The following ZMAT5 variants were observed in gnomAD, a reference collection of about 807,000 sequenced individuals.
The protein encoded by ZMAT5 is zinc finger matrin-type protein 5.
A neutral mutation model predicts 28.0 loss-of-function variants in ZMAT5; 23 were observed. The observed-to-expected ratio is 0.82, with a 90% CI of 0.59 to 1.16. The LOEUF is 1.16. Ranked by LOEUF, ZMAT5 falls within the 50% of genes most tolerant of loss-of-function variation. The probability of loss-of-function intolerance (pLI) is 0.00; values close to 1 mark genes in which losing one functional copy is unlikely to be tolerated. For missense variants in ZMAT5, 173 were observed against 212.7 expected, an observed-to-expected ratio of 0.81 and a Z score of 1.16; for synonymous variants, 76 against 84.1, an observed-to-expected ratio of 0.90 and a Z score of 0.52.
intron 1 of ZMAT5, among the ~76,000 whole-genome samples, chr22:29,758,279 C>T (rs1318268142): frequency 6.6e-6 from 1 of 152,192 alleles, no homozygotes; most frequent in African/African-American, 2.4e-5. Context: ...AGCTAAGCAG[C>T]GCCCAGATTC....
In ZMAT5 at chr22:29,742,519, G is replaced by A. The variant is rs528850982; in HGVS notation, c.128-39C>T. 4.2e-5 allele frequency: 68 copies of A among 1,604,976 alleles called. 1 individual carries two copies. The South Asian group carries it at 7.1e-4, about 17-fold the overall frequency. ...GAGGGACGGGATTCGGATGGTTCAG[G>A]CTCCACCAAAGGAGGCAGGAAGTGG... is the stretch of plus-strand genomic sequence containing the variant. On this transcript the variant is annotated intron_variant, in intron 2 of 5. Coordinates refer to ENST00000344318, the MANE Select transcript of ZMAT5 (RefSeq NM_001003692.2).
intron 1 of ZMAT5, among the ~76,000 whole-genome samples, chr22:29,765,560 A>G (rs527619890): frequency 3.6e-4 from 54 of 152,112 alleles, no homozygotes; most frequent in Non-Finnish European, 4.1e-4. Context: ...GCCCTGCTCC[A>G]CACCCTAACC....
At chr22:29,738,911 T>C (rs1303690883) in intron 4 of ZMAT5, among the ~76,000 whole-genome samples, 1 of 151,988 alleles carries the variant, frequency 6.6e-6, no homozygotes, top group South Asian at 2.1e-4. Flanking sequence ...CTTGGGAGAC[T>C]GAGGCAGGAG....
Position 29,761,766 on chromosome 22 carries a change from T to C in ZMAT5, c.-28+5106A>G, listed in dbSNP as rs905730341. 5.9e-5 allele frequency among the ~76,000 whole-genome samples: 9 copies of C among 152,278 alleles called. 1 individual carries two copies. In the East Asian group the frequency reaches 1.5e-3, roughly 26 times the overall value. ...TATTTAAAATACAAAAGTTAAAATA[T>C]AGAGTTAGTGACAAAATATATGTCA... On this transcript the variant is annotated intron_variant, in intron 1 of 5. Transcript: ENST00000344318.
chr22:29,752,116 C>T (rs2068060257), intron 1 of ZMAT5, among the ~76,000 whole-genome samples: 1 of 152,186 alleles, frequency 6.6e-6, no homozygotes, highest in Non-Finnish European at 1.5e-5. Context: ...GAGGCCCAGA[C>T]AGGTGCCATG....
intron 1 of ZMAT5, among the ~76,000 whole-genome samples, chr22:29,754,624 A>G (rs971928327): frequency 3.3e-5 from 5 of 152,154 alleles, no homozygotes; most frequent in Non-Finnish European, 5.9e-5. Context: ...TAATCCCAAC[A>G]TGTTGGGAGG....
chr22:29,762,527 G>A (rs1452148821), intron 1 of ZMAT5, among the ~76,000 whole-genome samples: 1 of 152,172 alleles, frequency 6.6e-6, no homozygotes, highest in African/African-American at 2.4e-5. Flanking sequence ...TCTCATAGGA[G>A]CACGAATCCT....
At chr22:29,754,812 C>A (rs1242511422) in intron 1 of ZMAT5, among the ~76,000 whole-genome samples, 1 of 152,176 alleles carries the variant, frequency 6.6e-6, no homozygotes, top group African/African-American at 2.4e-5. Flanking sequence ...GAGGTCAAGG[C>A]TCCAGCCAGC....
chr22:29,745,961 G>A (rs2068005411), intron 2 of ZMAT5, among the ~76,000 whole-genome samples: 1 of 152,114 alleles, frequency 6.6e-6, no homozygotes, highest in Admixed American at 6.5e-5. Flanking sequence ...CCACTGCCCT[G>A]GATTTTATTT....
intron 2 of ZMAT5, among the ~76,000 whole-genome samples, chr22:29,745,978 T>A (rs1181481625): frequency 6.6e-6 from 1 of 152,164 alleles, no homozygotes; most frequent in Non-Finnish European, 1.5e-5. Context: ...ATTTCATTTA[T>A]TTATTTTTTT....
chr22:29,757,596 C>T (rs1433871667), intron 1 of ZMAT5, among the ~76,000 whole-genome samples: 1 of 152,232 alleles, frequency 6.6e-6, no homozygotes, highest in Non-Finnish European at 1.5e-5. Context: ...AGCCTCCAAG[C>T]CCCCAGCAAT....
chr22:29,731,602 CG>C, intron 5 of ZMAT5: 1 of 464,814 alleles, frequency 2.2e-6, no homozygotes, highest in Non-Finnish European at 3.7e-6. Context: ...GAATAACCTT[CG>C]TGTCCACCTG....
At chr22:29,739,900 G>A (rs1233184253) in intron 4 of ZMAT5, among the ~76,000 whole-genome samples, 1 of 152,212 alleles carries the variant, frequency 6.6e-6, no homozygotes, top group Non-Finnish European at 1.5e-5. Context: ...AGTGAGGCCC[G>A]TAGGGGGATC....
chr22:29,736,759 T>C (rs1473381352), intron 5 of ZMAT5, among the ~76,000 whole-genome samples: 1 of 146,034 alleles, frequency 6.8e-6, no homozygotes, highest in Non-Finnish European at 1.5e-5. Flanking sequence ...GCGCGGTGGC[T>C]GACACCTGTA....
chr22:29,765,153 T>TCA (rs1237574970), intron 1 of ZMAT5, among the ~76,000 whole-genome samples: 1 of 152,028 alleles, frequency 6.6e-6, no homozygotes, highest in East Asian at 1.9e-4. Context: ...ACGCGGTGGC[T>TCA]CACACCTGTA....
At chr22:29,739,859 G>A (rs774516514) in intron 4 of ZMAT5, among the ~76,000 whole-genome samples, 4 of 152,226 alleles carry the variant, frequency 2.6e-5, no homozygotes, top group Admixed American at 2.0e-4. Flanking sequence ...GGCAGGGCAC[G>A]GAGCCTGCAG....
At chr22:29,760,796 G>T (rs1206622151) in intron 1 of ZMAT5, among the ~76,000 whole-genome samples, 1 of 152,072 alleles carries the variant, frequency 6.6e-6, no homozygotes, top group Non-Finnish European at 1.5e-5. Context: ...TCACTGAAGT[G>T]GTAATCCAAC....
chr22:29,742,313 TG>T (rs1308135093), intron 3 of ZMAT5, 104 bp downstream of exon 3: 2 of 1,169,522 alleles, frequency 1.7e-6, no homozygotes, highest in African/African-American at 3.0e-5. Flanking sequence ...AAAGTGGGCT[TG>T]GGATGGTGGC....
chr22:29,741,922 G>C (rs1309792621), intron 3 of ZMAT5, among the ~76,000 whole-genome samples: 2 of 152,160 alleles, frequency 1.3e-5, no homozygotes, highest in Non-Finnish European at 2.9e-5. Flanking sequence ...CCAAAGTACT[G>C]GGATTACAAG....
Sources: gnomAD v4.1 joint callset for allele counts (sites outside exome capture counted in the v4.1 genomes callset) on GRCh38, gnomAD v4.1.1 for gene constraint, MANE v1.5 for transcripts, NCBI Gene and HGNC (gene_info 2026-07-23, HGNC 2026-07-21) for gene names.